Variants in PCNT observed in about 807,000 individuals in gnomAD.
PCNT encodes pericentrin, also known as kendrin.
Under a neutral mutation model 380.4 loss-of-function variants are expected in PCNT, and 319 were observed. The observed-to-expected ratio is 0.84, with a 90% confidence interval of 0.77 to 0.92. The LOEUF (loss-of-function observed/expected upper bound fraction) is 0.92. Among genes scored for constraint, PCNT ranks in the 40% least tolerant of loss-of-function variants. The pLI is 0.00. For missense variants in PCNT, 4,400 were observed against 4,255.3 expected (o/e 1.03, Z -0.95); for synonymous variants, 1,845 against 1,735.2 (o/e 1.06, Z -1.57).
chr21:46,349,329 GC>G (rs2084186356), intron 7 of PCNT, 143 bp downstream of exon 7: 3 of 781,286 alleles, frequency 3.8e-6, no homozygotes, highest in Non-Finnish European at 6.9e-6. Flanking sequence ...CGTGTGACAC[GC>G]TGGTGGCCGT....
chr21:46,381,917 G>A (rs1013564686), intron 16 of PCNT, 77 bp downstream of exon 16: 6 of 1,487,074 alleles, frequency 4.0e-6, no homozygotes, highest in Non-Finnish European at 5.6e-6. Flanking sequence ...TCAGTGCACA[G>A]TTCAGTGGCA....
chr21:46,397,632 C>T, intron 22 of PCNT, 138 bp downstream of exon 22: 2 of 749,802 alleles, frequency 2.7e-6, no homozygotes, highest in Non-Finnish European at 4.5e-6. Flanking sequence ...CAGGTGCACC[C>T]AGGTCGCTGA....
intron 15 of PCNT, among the ~76,000 whole-genome samples, chr21:46,372,122 C>T (rs542487864): frequency 6.6e-6 from 1 of 151,034 alleles, no homozygotes; most frequent in South Asian, 2.1e-4. Flanking sequence ...CACATGCACA[C>T]ATGCAGCACA....
Position 46,366,914 on chromosome 21 carries a change from G to T in PCNT, c.2940G>T (p.Gln980His), listed in dbSNP as rs1268833387. 13 of 1,614,140 alleles carry T rather than the reference G, an allele frequency of 8.1e-6. No individual in the cohort carries two copies. In the Admixed American group the frequency reaches 2.2e-4, roughly 27 times the overall value. The part of the protein sequence containing the change: ...SLESCYLSEF[Q>H]TIREEHRQAL... ...AATCCTGTTACCTCTCTGAATTTCA[G>T]ACCATCCGTGAGGAGCACAGGCAGG... The change falls in exon 15 of 47, where the codon CAG becomes CAT. Residue 980 changes from glutamine to histidine, a missense_variant. Coordinates refer to ENST00000359568, the MANE Select transcript of PCNT (RefSeq NM_006031.6).
intron 27 of PCNT, 69 bp from the exon 28 acceptor site, chr21:46,411,120 G>A (rs898999348): frequency 4.2e-6 from 6 of 1,438,018 alleles, no homozygotes; most frequent in South Asian, 1.2e-5. Flanking sequence ...AGGATGTAAC[G>A]TGCCCTGAAG....
Position 46,432,077 on chromosome 21 carries a change from G to T in PCNT, c.8613G>T (p.Leu2871Phe). Residue 2871 changes from leucine to phenylalanine, a missense_variant, in exon 38 of 47, where the codon TTG (leucine) becomes TTT (phenylalanine). Transcript: ENST00000359568. The part of the protein sequence containing the change: ...LEREREKPAW[L>F]QAELEQSHPR... Reference sequence around the variant, plus strand: ...GAGAGAGGGAGAAACCAGCGTGGTTGCAGGCAGAATTAGAGCAGTCACACC... The same window carrying T: ...GAGAGAGGGAGAAACCAGCGTGGTTTCAGGCAGAATTAGAGCAGTCACACC... 1 of 1,614,114 alleles carries T rather than the reference G, an allele frequency of 6.2e-7. No individual in the cohort carries two copies. Among genetic ancestry groups the T allele is most frequent in the Non-Finnish European group, 8.5e-7 (1 of 1,180,050 alleles).
At position 46,416,524 on chromosome 21, in the gene PCNT, C is replaced by T. The variant is rs1180375875; in HGVS notation, c.6606C>T (p.His2202=). 1 of 1,613,874 alleles carries T rather than the reference C, an allele frequency of 6.2e-7. No individual in the cohort carries two copies. Among genetic ancestry groups the T allele is most frequent in the African/African-American group, 1.3e-5 (1 of 75,066 alleles). ...SPTSVLGGSR[H]QSHTAEAGPR... Reference sequence around the variant, plus strand: ...CCAGCGTACTTGGTGGCTCCCGCCACCAGAGCCACACTGCAGAGGCTGGGC... The same window carrying T: ...CCAGCGTACTTGGTGGCTCCCGCCATCAGAGCCACACTGCAGAGGCTGGGC... Residue 2202 remains histidine, a synonymous_variant, in exon 30 of 47, where the codon CAC becomes CAT. Transcript: ENST00000359568.
At chr21:46,428,372 T>C in intron 34 of PCNT, 23 bp from the exon 35 acceptor site, 4 of 1,608,434 alleles carry the variant, frequency 2.5e-6, no homozygotes. Flanking sequence ...ATGCTCAGGC[T>C]GCTTGTCCCA....
chr21:46,328,740 C>T (rs1485613361), intron 2 of PCNT, among the ~76,000 whole-genome samples: 3 of 151,698 alleles, frequency 2.0e-5, no homozygotes, highest in African/African-American at 4.8e-5. Context: ...GGATTACAGG[C>T]GTGAGCCACT....
At chr21:46,386,792 TCTTGCTTG>T (rs2085853315) in intron 17 of PCNT, among the ~76,000 whole-genome samples, 1 of 152,232 alleles carries the variant, frequency 6.6e-6, no homozygotes, top group African/African-American at 2.4e-5. Flanking sequence ...GCAGAGTTGT[TCTTGCTTG>T]CACCTGTCTG....
intron 21 of PCNT, 69 bp downstream of exon 21, chr21:46,391,445 A>C: frequency 7.7e-7 from 1 of 1,303,394 alleles, no homozygotes; most frequent in Non-Finnish European, 1.1e-6. Context: ...CGGTTTCCCC[A>C]GCTCCCAAGG....
chr21:46,352,752 G>A (rs1421827040), intron 9 of PCNT, among the ~76,000 whole-genome samples: 2 of 152,210 alleles, frequency 1.3e-5, no homozygotes, highest in South Asian at 4.1e-4. Flanking sequence ...GTCAGCTGTC[G>A]TGTGCCAACC....
At chr21:46,334,259 C>T (rs1401051443) in intron 2 of PCNT, 138 bp from the exon 3 acceptor site, 16 of 1,153,324 alleles carry the variant, frequency 1.4e-5, no homozygotes, top group East Asian at 2.4e-5. Flanking sequence ...GGAAGGTGCA[C>T]GTTCTGAACA....
In PCNT at chr21:46,349,683, G is replaced by T. The variant is rs1350967157; in HGVS notation, c.1208-1G>T. On this transcript the variant is annotated splice_acceptor_variant, in intron 7 of 46. Coordinates refer to ENST00000359568, the MANE Select transcript of PCNT (RefSeq NM_006031.6). LOFTEE classifies it high-confidence loss of function. ...CAAGTGCCATTGCTTTACCTTTCTA[G>T]GGGCCCTTAGGAACCTGGAGAGTCA... 6.2e-7 allele frequency: 1 copy of T among 1,613,860 alleles called. No homozygotes were observed. Among genetic ancestry groups the T allele is most frequent in the African/African-American group, 1.3e-5 (1 of 74,914 alleles).
chr21:46,324,789 G>T (rs2083310931), intron 1 of PCNT: 4 of 783,416 alleles, frequency 5.1e-6, no homozygotes, highest in Middle Eastern at 6.3e-4. Context: ...TTTCCTGCGC[G>T]GCCGGGGCCG....
At chr21:46,403,315 G>T (rs2066932) in intron 27 of PCNT, among the ~76,000 whole-genome samples, 33,584 of 137,500 alleles carry the variant, frequency 0.24, 3,266 homozygotes, top group East Asian at 0.38. Context: ...TGAACACAGC[G>T]TGGGAGAATT....
intron 31 of PCNT, among the ~76,000 whole-genome samples, chr21:46,418,868 C>T (rs1194041028): frequency 5.3e-5 from 8 of 152,200 alleles, no homozygotes; most frequent in Non-Finnish European, 1.0e-4. Flanking sequence ...CCCCGGACCT[C>T]GTGGCGGGAG....
At position 46,430,568 on chromosome 21, in the gene PCNT, C is replaced by A. The variant is rs758493159; in HGVS notation, c.7975C>A (p.Gln2659Lys). Residue 2659 changes from glutamine (Q) to lysine (K), a missense_variant, in exon 37 of 47, where the codon CAG becomes AAG. Physicochemically the swap from Gln to Lys is moderately conservative, Grantham distance 53. Coordinates refer to ENST00000359568, the MANE Select transcript of PCNT (RefSeq NM_006031.6). Reference protein sequence around the residue: ...KAALQELESEQGKGRALQSQL... With the variant: ...KAALQELESEKGKGRALQSQL... ...CGCGCTTCAGGAGCTGGAGAGTGAGCAGGGGAAGGGGCGTGCCCTGCAGAG... is the reference window on the plus strand; with the variant it reads ...CGCGCTTCAGGAGCTGGAGAGTGAGAAGGGGAAGGGGCGTGCCCTGCAGAG... The A allele has an allele frequency of 6.4e-7, 1 of 1,559,774 alleles. No homozygotes were observed. The highest frequency in any genetic ancestry group is 8.7e-7 in the Non-Finnish European group (1 of 1,152,362).
At chr21:46,376,919 A>C (rs1159817050) in intron 15 of PCNT, among the ~76,000 whole-genome samples, 2 of 152,142 alleles carry the variant, frequency 1.3e-5, no homozygotes, top group African/African-American at 4.8e-5. Context: ...TCACATTCCA[A>C]ATGGCCTTGA....
Sources: gnomAD v4.1 joint callset for allele counts (sites outside exome capture counted in the v4.1 genomes callset) on GRCh38, gnomAD v4.1.1 for gene constraint, MANE v1.5 for transcripts, NCBI Gene and HGNC (gene_info 2026-07-23, HGNC 2026-07-21) for gene names.